TRPS1: variants seen among roughly 807,000 people sequenced by gnomAD.
TRPS1 encodes the protein transcriptional repressor GATA binding 1.
Under a neutral mutation model 101.2 loss-of-function variants are expected in TRPS1, and 6 were observed. The observed-to-expected ratio is 0.06, with a 90% confidence interval of 0.03 to 0.12. The LOEUF (loss-of-function observed/expected upper bound fraction) is 0.12. TRPS1 is among the 10% of genes least tolerant of loss of function. The probability of loss-of-function intolerance (pLI) is 1.00; values close to 1 mark genes in which losing one functional copy is unlikely to be tolerated. For missense variants in TRPS1, 1,363 were observed against 1,567.0 expected (o/e 0.87, Z 2.20); for synonymous variants, 578 against 589.8 (o/e 0.98, Z 0.29).
At chr8:115,435,231 T>C (rs887117018) in intron 5 of TRPS1, among the ~76,000 whole-genome samples, 1 of 152,216 alleles carries the variant, frequency 6.6e-6, no homozygotes, top group African/African-American at 2.4e-5. Context: ...CTCACAGTAA[T>C]AGAAGATCTA....
chr8:115,477,540 T>G (rs541802822), intron 5 of TRPS1, among the ~76,000 whole-genome samples: 1 of 152,294 alleles, frequency 6.6e-6, no homozygotes, highest in Admixed American at 6.5e-5. Context: ...AATTGGAAAC[T>G]CCAGCACAGA....
Position 115,525,892 on chromosome 8 carries a change from G to A in TRPS1, c.2700+61109C>T, listed in dbSNP as rs867359595. Among the ~76,000 whole-genome samples, 5 of 152,082 alleles carry A rather than the reference G, an allele frequency of 3.3e-5. No individual in the cohort carries two copies. The South Asian group carries it at 1.0e-3, about 32-fold the overall frequency. On this transcript the variant is annotated intron_variant, in intron 5 of 6. Coordinates refer to ENST00000395715, the MANE Select transcript of TRPS1 (RefSeq NM_014112.5). Reference sequence around the variant, plus strand: ...TTTCACTTGTTTGGTATAACCAATGGAAATAATTTAAAAGACAACAATGAT... The same window carrying A: ...TTTCACTTGTTTGGTATAACCAATGAAAATAATTTAAAAGACAACAATGAT...
intron 1 of TRPS1, chr8:115,667,928 A>C: frequency 1.3e-6 from 2 of 1,535,104 alleles, no homozygotes; most frequent in African/African-American, 2.7e-5. Context: ...CCCCCAGAAA[A>C]CTTGCAGTGG....
chr8:115,557,057 G>A (rs989751661), intron 5 of TRPS1, among the ~76,000 whole-genome samples: 6 of 152,140 alleles, frequency 3.9e-5, no homozygotes, highest in Non-Finnish European at 8.8e-5. Context: ...GGAGAAGCAA[G>A]TCACATCTTA....
At chr8:115,519,283 A>G (rs1815798880) in intron 5 of TRPS1, among the ~76,000 whole-genome samples, 1 of 151,686 alleles carries the variant, frequency 6.6e-6, no homozygotes, top group South Asian at 2.1e-4. Context: ...GATGAATATA[A>G]CTTCTTAACA....
intron 5 of TRPS1, among the ~76,000 whole-genome samples, chr8:115,431,354 T>G (rs1813314082): frequency 6.6e-6 from 1 of 152,082 alleles, no homozygotes; most frequent in Non-Finnish European, 1.5e-5. Flanking sequence ...GCCTCATATT[T>G]ATTTTTACAA....
chr8:115,514,665 A>G (rs1815667417), intron 5 of TRPS1, among the ~76,000 whole-genome samples: 1 of 151,636 alleles, frequency 6.6e-6, no homozygotes, highest in Non-Finnish European at 1.5e-5. Context: ...TGAGTTTACC[A>G]TACTGATTCC....
At chr8:115,642,855 TATATATATAA>T (rs1563665473) in intron 1 of TRPS1, among the ~76,000 whole-genome samples, 2 of 133,896 alleles carry the variant, frequency 1.5e-5, no homozygotes, top group African/African-American at 2.8e-5. Flanking sequence ...AAAAAATATA[TATATATATAA>T]ATATATATAT....
chr8:115,439,120 G>A (rs1476761589), intron 5 of TRPS1, among the ~76,000 whole-genome samples: 1 of 149,252 alleles, frequency 6.7e-6, no homozygotes, highest in Non-Finnish European at 1.5e-5. Context: ...GGGGCTGGGA[G>A]TTTAGAGACC....
chr8:115,596,036 G>A (rs1354033157), intron 4 of TRPS1, among the ~76,000 whole-genome samples: 1 of 151,880 alleles, frequency 6.6e-6, no homozygotes, highest in East Asian at 1.9e-4. Context: ...AAATTTAAAT[G>A]TAAGATAGAG....
chr8:115,503,001 C>T (rs1049927243), intron 5 of TRPS1, among the ~76,000 whole-genome samples: 8 of 152,206 alleles, frequency 5.3e-5, no homozygotes, highest in South Asian at 2.1e-4. Flanking sequence ...TGGTGGCTCA[C>T]GCCTGTAATC....
chr8:115,414,918 G>C lies in TRPS1; in HGVS notation c.2990C>G (p.Ser997Ter), dbSNP rs763363982. The C allele has an allele frequency of 6.2e-7, 1 of 1,608,126 alleles. No homozygotes were observed. Among genetic ancestry groups the C allele is most frequent in the Non-Finnish European group, 8.5e-7 (1 of 1,176,822 alleles). ...GTGACTTTCAGTTAGATGATCTTCT[G>C]ACCTCCTCTCTAACGGGCTTCCATT... is the stretch of plus-strand genomic sequence containing the variant. Reference protein sequence around the residue: ...QVNGSPLERRSEDHLTESHQR... With the variant: ...QVNGSPLERR Residue 997 changes from serine (S) to a stop codon, truncating the protein, a stop_gained, in exon 7 of 7, where the codon TCA (serine) becomes TGA (stop). Transcript: ENST00000395715. LOFTEE classifies it high-confidence loss of function. This position sits in a 1 kb window ranked among gnomAD's most constrained non-coding sequence, Gnocchi z 4.8.
intron 5 of TRPS1, among the ~76,000 whole-genome samples, chr8:115,469,009 G>T (rs1050550892): frequency 2.6e-5 from 4 of 152,054 alleles, no homozygotes; most frequent in African/African-American, 9.7e-5. Flanking sequence ...AGGCATGGTG[G>T]TACACACCTG....
At chr8:115,514,301 T>C (rs934665213) in intron 5 of TRPS1, among the ~76,000 whole-genome samples, 1 of 151,714 alleles carries the variant, frequency 6.6e-6, no homozygotes, top group Non-Finnish European at 1.5e-5. Context: ...TGGGAGTCAG[T>C]GTAACACAAT....
chr8:115,524,319 C>CTTTTTTTTTTTTTTTTTTTTTTT (rs139406462), intron 5 of TRPS1, among the ~76,000 whole-genome samples: 1 of 70,718 alleles, frequency 1.4e-5, no homozygotes, highest in Non-Finnish European at 2.4e-5. Flanking sequence ...CTTCTTCTTC[C>CTTTTTTTTTTTTTTTTTTTTTTT]TTTTTTTTTT....
At chr8:115,503,548 G>A (rs919681852) in intron 5 of TRPS1, among the ~76,000 whole-genome samples, 1 of 152,084 alleles carries the variant, frequency 6.6e-6, no homozygotes, top group Non-Finnish European at 1.5e-5. Flanking sequence ...GGGTAGGTTA[G>A]AGCCTAATCT....
chr8:115,461,028 G>T (rs899582667), intron 5 of TRPS1, among the ~76,000 whole-genome samples: 4 of 152,090 alleles, frequency 2.6e-5, no homozygotes, highest in African/African-American at 9.7e-5. Flanking sequence ...CTTCACGCAA[G>T]GTTTCACAGT....
chr8:115,526,279 C>T (rs1178450197), intron 5 of TRPS1, among the ~76,000 whole-genome samples: 1 of 151,898 alleles, frequency 6.6e-6, no homozygotes, highest in East Asian at 1.9e-4. Flanking sequence ...ACTTACACTC[C>T]AGCGTGGGTG....
At chr8:115,430,993 T>C (rs1813305670) in intron 5 of TRPS1, among the ~76,000 whole-genome samples, 1 of 152,000 alleles carries the variant, frequency 6.6e-6, no homozygotes, top group Non-Finnish European at 1.5e-5. Context: ...ATGTCAGCCT[T>C]ATAATTATTT....
Sources: gnomAD v4.1 joint callset for allele counts (sites outside exome capture counted in the v4.1 genomes callset) on GRCh38, gnomAD v4.1.1 for gene constraint, Gnocchi (gnomAD v3.1) non-coding constraint, MANE v1.5 for transcripts, NCBI Gene and HGNC (gene_info 2026-07-23, HGNC 2026-07-21) for gene names.